Variants in DCC observed in about 807,000 individuals in gnomAD.
The protein encoded by DCC is netrin receptor DCC.
In DCC, 58 loss-of-function variants were observed where a neutral mutation model predicts 172.5. The observed-to-expected ratio is 0.34, with a 90% CI of 0.27 to 0.42. The LOEUF (loss-of-function observed/expected upper bound fraction) is 0.42, where lower values mean the gene tolerates loss of function less well. DCC is among the 10% of genes least tolerant of loss of function. DCC has a pLI of 1.00. For missense variants in DCC, 1,740 were observed against 1,791.0 expected (o/e 0.97, Z 0.51); for synonymous variants, 709 against 644.5 (o/e 1.10, Z -1.52).
At chr18:53,415,840 T>C (rs1167921399) in intron 20 of DCC, among the ~76,000 whole-genome samples, 1 of 152,116 alleles carries the variant, frequency 6.6e-6, no homozygotes, top group Non-Finnish European at 1.5e-5. Flanking sequence ...ATTCTAGTTT[T>C]AATTAAATTT....
chr18:52,903,586 T>C lies in DCC; in HGVS notation c.413-2458T>C, dbSNP rs892232347. On this transcript the variant is annotated intron_variant, in intron 2 of 28. Transcript: ENST00000442544. ...CTGAATATATAAATGTCCAGATTAT[T>C]AAAATCAACTTAAAATTTTATTCTC... 2.0e-5 allele frequency among the ~76,000 whole-genome samples: 3 copies of C among 152,232 alleles called. No individual in the cohort carries two copies. The East Asian group carries it at 5.8e-4, about 29-fold the overall frequency.
At chr18:52,954,963 C>T (rs2040717617) in intron 5 of DCC, among the ~76,000 whole-genome samples, 1 of 152,104 alleles carries the variant, frequency 6.6e-6, no homozygotes, top group South Asian at 2.1e-4. Flanking sequence ...TCATAACATT[C>T]CCTATTTTCA....
chr18:52,782,866 T>C (rs2145189295), intron 2 of DCC, among the ~76,000 whole-genome samples: 1 of 152,222 alleles, frequency 6.6e-6, no homozygotes, highest in East Asian at 1.9e-4. Context: ...AACATTTTAA[T>C]TTTAAAATCT....
chr18:53,100,762 C>T (rs1322889879), intron 7 of DCC, among the ~76,000 whole-genome samples: 1 of 151,976 alleles, frequency 6.6e-6, no homozygotes, highest in Non-Finnish European at 1.5e-5. Flanking sequence ...AAGCCCTGAG[C>T]ACTCATATAT....
chr18:53,507,728 T>G (rs1195779491), intron 27 of DCC, among the ~76,000 whole-genome samples: 2 of 152,284 alleles, frequency 1.3e-5, no homozygotes, highest in East Asian at 1.9e-4. Context: ...ACGTACAGAC[T>G]TATAAGAATA....
chr18:52,908,756 T>C (rs1029885453), intron 3 of DCC, among the ~76,000 whole-genome samples: 3 of 152,252 alleles, frequency 2.0e-5, no homozygotes, highest in African/African-American at 4.8e-5. Flanking sequence ...GAACATGTTG[T>C]ACTTTTGAGA....
chr18:52,873,448 G>GC (rs564789826), intron 2 of DCC, among the ~76,000 whole-genome samples: 148 of 152,270 alleles, frequency 9.7e-4, no homozygotes, highest in Middle Eastern at 3.4e-3. Context: ...ACTGTTATTG[G>GC]CTATTCCATC....
chr18:52,667,266 A>G (rs1417294010), intron 1 of DCC, among the ~76,000 whole-genome samples: 1 of 152,208 alleles, frequency 6.6e-6, no homozygotes, highest in Non-Finnish European at 1.5e-5. Flanking sequence ...CAACCCCCAA[A>G]TGGTAGTAGA....
chr18:53,385,997 C>A, intron 15 of DCC, 46 bp from the exon 16 acceptor site: 1 of 1,215,768 alleles, frequency 8.2e-7, no homozygotes, highest in Non-Finnish European at 1.2e-6. Flanking sequence ...TATTTTGATA[C>A]ATTAAATATA....
At chr18:53,314,657 T>A (rs1353182443) in intron 13 of DCC, among the ~76,000 whole-genome samples, 1 of 152,152 alleles carries the variant, frequency 6.6e-6, no homozygotes, top group Non-Finnish European at 1.5e-5. Context: ...ATATCTAAAT[T>A]TTTTTTATAC....
At chr18:53,125,307 T>TG (rs1463553732) in intron 7 of DCC, among the ~76,000 whole-genome samples, 3 of 152,080 alleles carry the variant, frequency 2.0e-5, no homozygotes, top group Non-Finnish European at 2.9e-5. Flanking sequence ...TCTTCTCCCA[T>TG]TAATATCACG....
intron 1 of DCC, among the ~76,000 whole-genome samples, chr18:52,610,550 C>T (rs534173134): frequency 1.3e-5 from 2 of 151,648 alleles, no homozygotes; most frequent in South Asian, 4.2e-4. Context: ...GATAGACAAA[C>T]TCCTTTCCAT....
intron 13 of DCC, among the ~76,000 whole-genome samples, chr18:53,306,651 T>G (rs1035801785): frequency 3.9e-5 from 6 of 152,326 alleles, no homozygotes; most frequent in South Asian, 2.1e-4. Context: ...TCCCAGGCAG[T>G]CCCCAGTGAA....
intron 21 of DCC, among the ~76,000 whole-genome samples, chr18:53,419,064 G>C (rs11875957): frequency 6.6e-6 from 1 of 151,930 alleles, no homozygotes; most frequent in African/African-American, 2.4e-5. Flanking sequence ...CCAGAGTTTC[G>C]TTTTTTGTAG....
At chr18:52,775,871 G>A (rs2037422379) in intron 2 of DCC, among the ~76,000 whole-genome samples, 1 of 152,210 alleles carries the variant, frequency 6.6e-6, no homozygotes, top group Non-Finnish European at 1.5e-5. Context: ...CTAGGTCCGT[G>A]AGGGTGGAGC....
chr18:53,440,225 A>G (rs1295324989), intron 22 of DCC, among the ~76,000 whole-genome samples: 1 of 152,236 alleles, frequency 6.6e-6, no homozygotes, highest in Non-Finnish European at 1.5e-5. Flanking sequence ...TGATTAGAGA[A>G]GATAAAATGG....
At chr18:53,471,168 AT>A (rs1332261978) in intron 25 of DCC, among the ~76,000 whole-genome samples, 16 of 152,228 alleles carry the variant, frequency 1.1e-4, no homozygotes, top group African/African-American at 3.4e-4. Flanking sequence ...AACTATTCGT[AT>A]TTTTTGTGGG....
chr18:53,177,737 C>T (rs1420770601), intron 8 of DCC, among the ~76,000 whole-genome samples: 3 of 152,246 alleles, frequency 2.0e-5, no homozygotes, highest in East Asian at 1.9e-4. Context: ...ATACACTCAA[C>T]CTCTTGATGA....
intron 28 of DCC, among the ~76,000 whole-genome samples, chr18:53,528,346 A>G (rs1023183093): frequency 2.6e-5 from 4 of 152,104 alleles, no homozygotes; most frequent in Non-Finnish European, 1.5e-5. Context: ...CAAAGATTCA[A>G]ATTTATAAGA....
Sources: gnomAD v4.1 joint callset for allele counts (sites outside exome capture counted in the v4.1 genomes callset) on GRCh38, gnomAD v4.1.1 for gene constraint, MANE v1.5 for transcripts, NCBI Gene and HGNC (gene_info 2026-07-23, HGNC 2026-07-21) for gene names.